The following EXOC6B variants were observed in gnomAD, a reference collection of about 807,000 sequenced individuals.
The protein encoded by EXOC6B is exocyst complex component 6B, also known as SEC15 homolog B.
A neutral mutation model predicts 113.5 loss-of-function variants in EXOC6B; 54 were observed. The ratio of observed to expected loss-of-function variants is 0.48; its 90% CI spans 0.38 to 0.60. EXOC6B has a LOEUF of 0.60. Among genes scored for constraint, EXOC6B ranks in the 20% least tolerant of loss-of-function variants. The pLI, the probability that EXOC6B is intolerant of heterozygous loss-of-function variation, is 0.00. For synonymous variants in EXOC6B, 357 were observed against 339.0 expected (o/e 1.05, Z -0.58); for missense variants, 797 against 977.5 (o/e 0.82, Z 2.46).
chr2:72,461,516 T>C (rs1048628892), intron 18 of EXOC6B: 1 of 151,958 alleles, frequency 6.6e-6, no homozygotes, highest in East Asian at 1.9e-4. Flanking sequence ...TGAATAAATA[T>C]AAATTTACAT....
chr2:72,363,700 A>G (rs1043907771), intron 19 of EXOC6B, among the ~76,000 whole-genome samples: 18 of 152,072 alleles, frequency 1.2e-4, no homozygotes, highest in African/African-American at 4.3e-4. Context: ...CCTTTCATGT[A>G]TTATCTCATT....
chr2:72,518,582 C>T (rs546086537), intron 8 of EXOC6B, among the ~76,000 whole-genome samples: 17 of 150,786 alleles, frequency 1.1e-4, no homozygotes, highest in African/African-American at 3.4e-4. Flanking sequence ...TTCTAATTGA[C>T]GAATGAGTCA....
At chr2:72,686,387 A>G (rs192738858) in intron 6 of EXOC6B, among the ~76,000 whole-genome samples, 1 of 152,312 alleles carries the variant, frequency 6.6e-6, no homozygotes, top group Admixed American at 6.5e-5. Context: ...AACAAACAGT[A>G]CCATGGGGTA....
chr2:72,311,434 A>C (rs547669364), intron 20 of EXOC6B, among the ~76,000 whole-genome samples: 1 of 151,930 alleles, frequency 6.6e-6, no homozygotes, highest in Non-Finnish European at 1.5e-5. Context: ...TCCTTCCTCC[A>C]TCTTCAAAAC....
At chr2:72,274,651 A>C (rs569201603) in intron 20 of EXOC6B, among the ~76,000 whole-genome samples, 1 of 152,326 alleles carries the variant, frequency 6.6e-6, no homozygotes, top group East Asian at 1.9e-4. Flanking sequence ...AGCGTCACTT[A>C]TACACATAAA....
chr2:72,441,388 C>T (rs1473353883), intron 18 of EXOC6B, among the ~76,000 whole-genome samples: 3 of 150,826 alleles, frequency 2.0e-5, no homozygotes, highest in African/African-American at 7.3e-5. Context: ...AAGGAAAAAA[C>T]AAAATCAGAG....
At chr2:72,661,534 T>C (rs1211283048) in intron 6 of EXOC6B, among the ~76,000 whole-genome samples, 2 of 152,020 alleles carry the variant, frequency 1.3e-5, no homozygotes, top group African/African-American at 2.4e-5. Flanking sequence ...TCAAAAAATA[T>C]GAAATAATTG....
chr2:72,559,941 C>A (rs1367508149), intron 7 of EXOC6B, among the ~76,000 whole-genome samples: 1 of 152,124 alleles, frequency 6.6e-6, no homozygotes, highest in Admixed American at 6.5e-5. Flanking sequence ...ACAAAACTTG[C>A]CACACAATAT....
chr2:72,520,455 A>G (rs1701427971), intron 8 of EXOC6B, among the ~76,000 whole-genome samples: 3 of 152,182 alleles, frequency 2.0e-5, no homozygotes, highest in Admixed American at 2.0e-4. Context: ...AATCACTTTT[A>G]GCATCACATT....
intron 6 of EXOC6B, among the ~76,000 whole-genome samples, chr2:72,681,734 A>G (rs1160951027): frequency 2.0e-5 from 3 of 152,120 alleles, no homozygotes; most frequent in Non-Finnish European, 4.4e-5. Context: ...AACTAGCTCT[A>G]TGACTCAAGA....
chr2:72,182,930 G>C (rs2104216037), intron 21 of EXOC6B: 2 of 1,229,016 alleles, frequency 1.6e-6, no homozygotes, highest in Non-Finnish European at 2.0e-6. Flanking sequence ...CAGTGGGAGA[G>C]AGAACCATGG....
intron 5 of EXOC6B, among the ~76,000 whole-genome samples, chr2:72,726,312 A>G (rs1198124422): frequency 6.6e-6 from 1 of 152,204 alleles, no homozygotes; most frequent in East Asian, 1.9e-4. Context: ...ACGTGAATGT[A>G]CTAAAATCTA....
At chr2:72,213,209 A>G (rs533809881) in intron 20 of EXOC6B, among the ~76,000 whole-genome samples, 2 of 152,206 alleles carry the variant, frequency 1.3e-5, no homozygotes, top group African/African-American at 2.4e-5. Context: ...GAGTGAAGCC[A>G]TCCTGGTATT....
intron 19 of EXOC6B, among the ~76,000 whole-genome samples, chr2:72,352,571 G>A (rs544288623): frequency 4.3e-4 from 66 of 152,044 alleles, no homozygotes; most frequent in African/African-American, 1.6e-3. Flanking sequence ...TTTTAATACT[G>A]TAATACTAGA....
intron 8 of EXOC6B, among the ~76,000 whole-genome samples, chr2:72,546,322 G>A (rs1267853503): frequency 6.6e-6 from 1 of 152,154 alleles, no homozygotes; most frequent in African/African-American, 2.4e-5. Flanking sequence ...GGTGGCACGT[G>A]CCTGTAATTC....
At chr2:72,713,088 A>C (rs914526868) in intron 6 of EXOC6B, among the ~76,000 whole-genome samples, 1 of 152,208 alleles carries the variant, frequency 6.6e-6, no homozygotes, top group Non-Finnish European at 1.5e-5. Context: ...TACTCATTGA[A>C]GTTTAATTAG....
intron 19 of EXOC6B, among the ~76,000 whole-genome samples, chr2:72,357,447 T>A (rs1230656424): frequency 6.6e-6 from 1 of 152,130 alleles, no homozygotes; most frequent in Non-Finnish European, 1.5e-5. Flanking sequence ...ATCCCAGAAC[T>A]TTGAGAGGCA....
chr2:72,519,210 C>T (rs1426503982), intron 8 of EXOC6B, among the ~76,000 whole-genome samples: 3 of 152,154 alleles, frequency 2.0e-5, no homozygotes, highest in African/African-American at 7.2e-5. Context: ...TTAAACAAGG[C>T]AATGCTCTGC....
chr2:72,496,442 A>G lies in EXOC6B; in HGVS notation c.1443+12T>C. On this transcript the variant is annotated intron_variant, in intron 14 of 21. Transcript: ENST00000272427. ...AAACAACCAGAGAAATTTATTTTAA[A>G]GTATTCCTTACCTTTTCCAGTTCTA... The G allele has an allele frequency of 6.6e-7, 1 of 1,506,798 alleles. No homozygotes were observed. Among genetic ancestry groups the G allele is most frequent in the Admixed American group, 1.9e-5 (1 of 53,976 alleles). The allele number at this position is 1,506,798 out of a possible 1,614,324, so 93.3% of individuals were successfully genotyped here. A position where few individuals can be genotyped will look rare whatever the true frequency, so the allele number is the denominator to read the frequency against.
Sources: allele counts gnomAD v4.1 joint callset (sites outside exome capture counted in the v4.1 genomes callset), GRCh38; gene constraint gnomAD v4.1.1; transcripts MANE v1.5; gene names NCBI Gene and HGNC (gene_info 2026-07-23, HGNC 2026-07-21).